ASTN2: variants seen among roughly 807,000 people sequenced by gnomAD.
ASTN2 encodes astrotactin 2.
Under a neutral mutation model 139.8 loss-of-function variants are expected in ASTN2, and 54 were observed. The ratio of observed to expected loss-of-function variants is 0.39; its 90% confidence interval spans 0.31 to 0.48. The LOEUF is 0.48. Among genes scored for constraint, ASTN2 ranks in the 20% least tolerant of loss-of-function variants. ASTN2 has a pLI of 0.95. For synonymous variants in ASTN2, 756 were observed against 719.5 expected, an observed-to-expected ratio of 1.05 and a Z score of -0.81; for missense variants, 1,565 against 1,725.1, an observed-to-expected ratio of 0.91 and a Z score of 1.64.
At chr9:116,966,704 T>C (rs1367339873) in intron 10 of ASTN2, among the ~76,000 whole-genome samples, 1 of 124,824 alleles carries the variant, frequency 8.0e-6, no homozygotes, top group Non-Finnish European at 1.7e-5. Context: ...CTCATTTTCT[T>C]TAAAAAAAAA....
chr9:116,508,543 G>T (rs1049114890), intron 19 of ASTN2, among the ~76,000 whole-genome samples: 4 of 152,006 alleles, frequency 2.6e-5, no homozygotes, highest in African/African-American at 7.3e-5. Flanking sequence ...ACCTATGAAG[G>T]TATCATCAAA....
chr9:116,832,103 T>TGCAAA (rs1361239705), intron 11 of ASTN2, among the ~76,000 whole-genome samples: 1 of 152,230 alleles, frequency 6.6e-6, no homozygotes, highest in African/African-American at 2.4e-5. Context: ...TTTCAGAAAT[T>TGCAAA]GCAAATGGGA....
At chr9:117,113,363 C>T (rs752478330) in intron 4 of ASTN2, among the ~76,000 whole-genome samples, 2 of 152,156 alleles carry the variant, frequency 1.3e-5, no homozygotes, top group Admixed American at 6.5e-5. Flanking sequence ...AGATAAAATA[C>T]AGCATATTTA....
intron 15 of ASTN2, among the ~76,000 whole-genome samples, chr9:116,727,123 T>C (rs1000393750): frequency 1.8e-4 from 27 of 151,826 alleles, no homozygotes; most frequent in African/African-American, 6.5e-4. Flanking sequence ...AGTCACCTCT[T>C]CTCCAAGAAG....
chr9:116,949,555 C>T (rs1486620601), intron 10 of ASTN2, among the ~76,000 whole-genome samples: 1 of 152,176 alleles, frequency 6.6e-6, no homozygotes, highest in Non-Finnish European at 1.5e-5. Context: ...TGTGAAGGCC[C>T]TGGTTCTGCC....
intron 19 of ASTN2, among the ~76,000 whole-genome samples, chr9:116,574,612 G>C (rs1853650010): frequency 6.6e-6 from 1 of 152,228 alleles, no homozygotes; most frequent in Admixed American, 6.5e-5. Flanking sequence ...GGAAGGCAGA[G>C]AAAGACAACA....
rs998308431 is a variant in ASTN2, at chr9:116,683,937, C to T, written c.2807-32144G>A. ...AAAGAATCAAAATTAATGTATAGAGCCAATTAAAGCCCCCTGGGGAATCTA... is the reference window on the plus strand; with the variant it reads ...AAAGAATCAAAATTAATGTATAGAGTCAATTAAAGCCCCCTGGGGAATCTA... On this transcript the variant is annotated intron_variant, in intron 16 of 22. Coordinates refer to ENST00000313400, the MANE Select transcript of ASTN2 (RefSeq NM_001365068.1). Among the ~76,000 whole-genome samples the T allele has an allele frequency of 3.3e-5, 5 of 152,252 alleles. No homozygotes were observed. The East Asian group carries it at 5.8e-4, about 18-fold the overall frequency.
At chr9:116,503,557 A>C (rs563642386) in intron 19 of ASTN2, among the ~76,000 whole-genome samples, 1 of 152,146 alleles carries the variant, frequency 6.6e-6, no homozygotes, top group Admixed American at 6.6e-5. Flanking sequence ...CTGTTTAATA[A>C]CTGCCTTGGG....
chr9:116,903,741 G>A (rs188390221), intron 10 of ASTN2, among the ~76,000 whole-genome samples: 7 of 152,204 alleles, frequency 4.6e-5, no homozygotes, highest in Non-Finnish European at 4.4e-5. Context: ...TGAGAGTCAT[G>A]AGGCTGTATT....
chr9:117,243,140 G>A (rs957304455), intron 2 of ASTN2, among the ~76,000 whole-genome samples: 2 of 152,162 alleles, frequency 1.3e-5, no homozygotes, highest in African/African-American at 4.8e-5. Flanking sequence ...GGCTTAGCAA[G>A]GTCATGTGAT....
chr9:117,375,046 G>T (rs1249441611), intron 1 of ASTN2, among the ~76,000 whole-genome samples: 1 of 152,044 alleles, frequency 6.6e-6, no homozygotes, highest in Non-Finnish European at 1.5e-5. Context: ...CTAGACTGGG[G>T]TTTACTTAGT....
At chr9:116,932,507 C>G (rs1834929501) in intron 10 of ASTN2, among the ~76,000 whole-genome samples, 1 of 152,148 alleles carries the variant, frequency 6.6e-6, no homozygotes, top group African/African-American at 2.4e-5. Context: ...CCTTCAGAGG[C>G]AGCTGGTTCT....
intron 17 of ASTN2, among the ~76,000 whole-genome samples, chr9:116,634,769 A>T (rs1323382479): frequency 6.6e-6 from 1 of 152,190 alleles, no homozygotes; most frequent in Non-Finnish European, 1.5e-5. Flanking sequence ...TATCAGAGAT[A>T]CTATCTTTGC....
intron 7 of ASTN2, among the ~76,000 whole-genome samples, chr9:116,998,162 C>T (rs1375355057): frequency 6.6e-6 from 1 of 152,144 alleles, no homozygotes; most frequent in African/African-American, 2.4e-5. Flanking sequence ...CAGATGACTT[C>T]TGTTTAATTC....
At chr9:117,135,962 C>A (rs1212396583) in intron 4 of ASTN2, among the ~76,000 whole-genome samples, 2 of 152,110 alleles carry the variant, frequency 1.3e-5, no homozygotes, top group African/African-American at 2.4e-5. Context: ...CAGGGTACAG[C>A]CCAGGCTAGG....
intron 16 of ASTN2, among the ~76,000 whole-genome samples, chr9:116,675,019 G>A (rs1291817890): frequency 6.6e-6 from 1 of 152,146 alleles, no homozygotes; most frequent in African/African-American, 2.4e-5. Context: ...AGTGGGCAAG[G>A]TGAACCCCCT....
At chr9:117,222,561 C>G (rs1347455630) in intron 2 of ASTN2, among the ~76,000 whole-genome samples, 1 of 152,180 alleles carries the variant, frequency 6.6e-6, no homozygotes, top group African/African-American at 2.4e-5. Flanking sequence ...GGACCAAACT[C>G]TCAGTCCTGA....
intron 20 of ASTN2, among the ~76,000 whole-genome samples, chr9:116,449,570 T>C (rs1347907786): frequency 1.3e-5 from 2 of 152,196 alleles, no homozygotes; most frequent in Admixed American, 6.5e-5. Flanking sequence ...ATCTCTTCTA[T>C]AATGGCTTTA....
At chr9:117,356,276 G>A (rs531595602) in intron 1 of ASTN2, among the ~76,000 whole-genome samples, 118 of 152,322 alleles carry the variant, frequency 7.7e-4, no homozygotes, top group Non-Finnish European at 1.5e-3. Context: ...CAGGGGGTTA[G>A]ACTTTTCCAG....
Sources: allele counts gnomAD v4.1 joint callset (sites outside exome capture counted in the v4.1 genomes callset), GRCh38; gene constraint gnomAD v4.1.1; transcripts MANE v1.5; gene names NCBI Gene and HGNC (gene_info 2026-07-23, HGNC 2026-07-21).